The following SLC27A6 variants were observed in gnomAD, a reference collection of about 807,000 sequenced individuals.
SLC27A6 encodes solute carrier family 27 member 6.
A neutral mutation model predicts 63.9 loss-of-function variants in SLC27A6; 74 were observed. The ratio of observed to expected loss-of-function variants is 1.16; its 90% confidence interval spans 0.96 to 1.40. The LOEUF is 1.40. Ranked by LOEUF, SLC27A6 falls within the 40% of genes most tolerant of loss-of-function variation. The pLI, the probability that SLC27A6 is intolerant of heterozygous loss-of-function variation, is 0.00. For missense variants in SLC27A6, 794 were observed against 732.9 expected (o/e 1.08, Z -0.96); for synonymous variants, 287 against 260.8 (o/e 1.10, Z -0.97).
At chr5:128,966,787 T>C (rs1326578397) in intron 1 of SLC27A6, among the ~76,000 whole-genome samples, 169 bp downstream of exon 1, 1 of 152,198 alleles carries the variant, frequency 6.6e-6, no homozygotes, top group Non-Finnish European at 1.5e-5. Context: ...AACTGTCTCC[T>C]CCCTTCAGGC....
chr5:129,010,294 T>A (rs1335211435), intron 4 of SLC27A6, among the ~76,000 whole-genome samples: 7 of 152,098 alleles, frequency 4.6e-5, no homozygotes, highest in Non-Finnish European at 1.0e-4. Context: ...GCAAAAAAAA[T>A]ACAAATTACA....
chr5:129,003,291 C>A (rs4835964), intron 4 of SLC27A6, among the ~76,000 whole-genome samples: 3 of 146,792 alleles, frequency 2.0e-5, no homozygotes, highest in African/African-American at 5.1e-5. Flanking sequence ...ACTTTATTCC[C>A]GTGAACTGTT....
chr5:128,995,633 C>A (rs561045662), intron 4 of SLC27A6, among the ~76,000 whole-genome samples: 2 of 152,110 alleles, frequency 1.3e-5, no homozygotes, highest in African/African-American at 4.8e-5. Flanking sequence ...GGGATCCAGG[C>A]ACAGAAAAGC....
chr5:128,966,904 AC>A (rs981443121), intron 1 of SLC27A6, among the ~76,000 whole-genome samples: 10 of 152,328 alleles, frequency 6.6e-5, no homozygotes, highest in Admixed American at 5.9e-4. Context: ...CACACAGAGA[AC>A]TTGGTCACTT....
chr5:129,012,941 CTTATG>C, intron 4 of SLC27A6, among the ~76,000 whole-genome samples: 1 of 151,686 alleles, frequency 6.6e-6, no homozygotes, highest in East Asian at 1.9e-4. Context: ...ATTTTATGTA[CTTATG>C]ATATATTTGC....
intron 8 of SLC27A6, among the ~76,000 whole-genome samples, chr5:129,029,069 G>A (rs994488989): frequency 1.3e-5 from 2 of 151,968 alleles, no homozygotes; most frequent in African/African-American, 4.8e-5. Context: ...GCCACTGAGT[G>A]TTGAAGAAAG....
chr5:129,008,389 C>G (rs1433016794), intron 4 of SLC27A6, among the ~76,000 whole-genome samples: 2 of 152,176 alleles, frequency 1.3e-5, no homozygotes, highest in African/African-American at 4.8e-5. Flanking sequence ...ATAGCTATAG[C>G]CCACACAAGT....
intron 4 of SLC27A6, among the ~76,000 whole-genome samples, chr5:129,009,776 G>A (rs1451236285): frequency 6.6e-6 from 1 of 151,954 alleles, no homozygotes; most frequent in Admixed American, 6.6e-5. Context: ...CTGGGTTCAA[G>A]CAATTCTCCT....
At chr5:128,983,958 G>T (rs258005) in intron 1 of SLC27A6, among the ~76,000 whole-genome samples, 11,751 of 152,166 alleles carry the variant, frequency 0.077, 1,263 homozygotes, top group East Asian at 0.56. Flanking sequence ...GGCCAGTGGG[G>T]TACTATTGTT....
In SLC27A6 at chr5:129,013,506, G is replaced by A. The variant is rs552072844; in HGVS notation, c.970-2379G>A. Among the ~76,000 whole-genome samples, 85 of 152,152 alleles carry A rather than the reference G, an allele frequency of 5.6e-4. 1 individual carries two copies. The South Asian group carries it at 1.0e-2, about 18-fold the overall frequency. On this transcript the variant is annotated intron_variant, in intron 4 of 9. Transcript: ENST00000262462. The stretch of plus-strand genomic sequence containing the variant: ...GCTTACGGTCATTGTTGAAATGTCA[G>A]CCATAAATATTCATGTTGCCCCTTT...
At chr5:128,990,266 A>G (rs1750931562) in intron 3 of SLC27A6, 74 bp from the exon 4 acceptor site, 1 of 1,432,816 alleles carries the variant, frequency 7.0e-7, no homozygotes, top group Non-Finnish European at 9.6e-7. Context: ...AGACAGAGAA[A>G]CATCATTCAT....
chr5:129,004,778 A>G (rs1751463216), intron 4 of SLC27A6, among the ~76,000 whole-genome samples: 6 of 152,190 alleles, frequency 3.9e-5, no homozygotes, highest in Admixed American at 3.9e-4. Flanking sequence ...CAGTATCTCA[A>G]AACTGTCCAG....
At position 129,006,071 on chromosome 5, in the gene SLC27A6, G is replaced by GTTTTTTTTTTTTT. The variant is rs4068575; in HGVS notation, c.970-9801_970-9789dup. Among the ~76,000 whole-genome samples the GTTTTTTTTTTTTT allele has an allele frequency of 5.3e-3, 316 of 60,104 alleles. 60 individuals are homozygous for GTTTTTTTTTTTTT. The highest frequency in any genetic ancestry group is 9.3e-3 in the African/African-American group (112 of 12,078). 39.4% of individuals were successfully genotyped at this position (60,104 alleles called of 152,430 possible). On this transcript the variant is annotated intron_variant, in intron 4 of 9. Coordinates refer to ENST00000262462, the MANE Select transcript of SLC27A6 (RefSeq NM_001017372.3). Reference sequence around the variant, plus strand: ...TAAAATTTTCATTCCTGTGCACACTGTTTTTTTTTTTTTTTTTTTTTTTTT... The same window carrying GTTTTTTTTTTTTT: ...TAAAATTTTCATTCCTGTGCACACTGTTTTTTTTTTTTTTTTTTTTTTTTTTTTTTTTTTTTTT...
chr5:129,019,655 A>C (rs981089212), intron 5 of SLC27A6, among the ~76,000 whole-genome samples: 21 of 151,922 alleles, frequency 1.4e-4, no homozygotes, highest in African/African-American at 5.1e-4. Flanking sequence ...AAAAGTAAGC[A>C]CGCTCAGCTC....
chr5:128,976,580 T>A (rs1366221509), intron 1 of SLC27A6, among the ~76,000 whole-genome samples: 1 of 152,212 alleles, frequency 6.6e-6, no homozygotes, highest in Non-Finnish European at 1.5e-5. Context: ...TGACTCTTTT[T>A]CTTAGTCTTT....
intron 6 of SLC27A6, among the ~76,000 whole-genome samples, chr5:129,026,231 G>T (rs1301161298): frequency 6.6e-6 from 1 of 152,138 alleles, no homozygotes; most frequent in Non-Finnish European, 1.5e-5. Context: ...TTTACAGCAG[G>T]CATAGCAAGT....
intron 4 of SLC27A6, among the ~76,000 whole-genome samples, chr5:129,011,192 A>G (rs1751714648): frequency 6.6e-6 from 1 of 152,148 alleles, no homozygotes; most frequent in African/African-American, 2.4e-5. Context: ...GTTGTATTTT[A>G]TGCATATTTC....
In SLC27A6 at chr5:128,965,963, G is replaced by A. The variant is rs1749869859; in HGVS notation, c.-175G>A. 4.5e-6 allele frequency: 3 copies of A among 672,592 alleles called. No homozygotes were observed. The highest frequency in any genetic ancestry group is 1.8e-5 in the African/African-American group (1 of 55,108). 41.7% of individuals were successfully genotyped at this position (672,592 alleles called of 1,614,324 possible). A position where few individuals can be genotyped will look rare whatever the true frequency, so the allele number is the denominator to read the frequency against. ...GGCGACCTTTTCGGTGCAAACCTAC[G>A]ATTCTGTTTCTCAGGATTCCTCCCC... On this transcript the variant is annotated 5_prime_UTR_variant, in exon 1 of 10. Coordinates refer to ENST00000262462, the MANE Select transcript of SLC27A6 (RefSeq NM_001017372.3).
intron 1 of SLC27A6, among the ~76,000 whole-genome samples, chr5:128,966,840 A>G (rs1398779055): frequency 6.6e-6 from 1 of 152,148 alleles, no homozygotes; most frequent in East Asian, 1.9e-4. Context: ...GCTTCCTACC[A>G]TTTTGAGACA....
Sources: gnomAD v4.1 joint callset for allele counts (sites outside exome capture counted in the v4.1 genomes callset) on GRCh38, gnomAD v4.1.1 for gene constraint, MANE v1.5 for transcripts, NCBI Gene and HGNC (gene_info 2026-07-23, HGNC 2026-07-21) for gene names.